Variants in MAF observed in about 807,000 individuals in gnomAD.
The protein encoded by MAF is MAF bZIP transcription factor.
MAF carries 10 observed loss-of-function variants against 22.0 expected under a neutral mutation model. The observed-to-expected ratio is 0.45, with a 90% confidence interval of 0.28 to 0.77. The LOEUF (loss-of-function observed/expected upper bound fraction) is 0.77. MAF is among the 30% of genes least tolerant of loss of function. The probability of loss-of-function intolerance (pLI) is 0.12; values close to 1 mark genes in which losing one functional copy is unlikely to be tolerated. For missense variants in MAF, 544 were observed against 548.4 expected, an observed-to-expected ratio of 0.99 and a Z score of 0.08; for synonymous variants, 337 against 255.8, an observed-to-expected ratio of 1.32 and a Z score of -3.03.
At chr16:79,207,229 T>A in the MAF span, among the ~76,000 whole-genome samples, 3 of 152,168 alleles carry the variant, frequency 2.0e-5, no homozygotes, top group African/African-American at 7.2e-5. Flanking sequence ...ATTCACAGAG[T>A]CAATGGATAA....
the MAF span, among the ~76,000 whole-genome samples, chr16:79,351,498 C>T: frequency 6.6e-6 from 1 of 152,082 alleles, no homozygotes; most frequent in Non-Finnish European, 1.5e-5. Flanking sequence ...TAGGAAGTAG[C>T]ATAACTGTGA....
At chr16:79,542,700 G>C in the MAF span, among the ~76,000 whole-genome samples, 1 of 152,208 alleles carries the variant, frequency 6.6e-6, no homozygotes, top group Admixed American at 6.5e-5. Context: ...TGATGGGCAA[G>C]CTGGGTTTCC....
chr16:79,426,207 A>AAAT, the MAF span, among the ~76,000 whole-genome samples: 1 of 92,610 alleles, frequency 1.1e-5, no homozygotes, highest in Non-Finnish European at 2.1e-5. Context: ...GTCCATCTCA[A>AAAT]AAGAAAAAAA....
chr16:79,279,702 T>C, the MAF span, among the ~76,000 whole-genome samples: 1 of 152,186 alleles, frequency 6.6e-6, no homozygotes, highest in East Asian at 1.9e-4. Context: ...ATATGTTGCC[T>C]CGCGCAGGGG....
rs1419605590 is a variant in MAF at position 79,600,213 on chromosome 16, C to T, written c.-311G>A. 1 of 303,166 alleles carries T rather than the reference C, an allele frequency of 3.3e-6. No homozygotes were observed. The highest frequency in any genetic ancestry group is 5.7e-5 in the East Asian group (1 of 17,452). The allele number at this position is 303,166 out of a possible 1,614,324, so 18.8% of individuals were successfully genotyped here. On this transcript the variant is annotated 5_prime_UTR_variant, in exon 1 of 2. Coordinates refer to ENST00000326043, the MANE Select transcript of MAF (RefSeq NM_005360.5). ...CCGGCGGCTTCAGGCTCGGGAAGAT[C>T]CTCCGCGAGCTGCGGTGGCGGCGGT... is the stretch of plus-strand genomic sequence containing the variant.
At chr16:79,574,484 T>C in the MAF span, among the ~76,000 whole-genome samples, 12 of 152,200 alleles carry the variant, frequency 7.9e-5, no homozygotes, top group African/African-American at 2.9e-4. Context: ...AAATGAGCCA[T>C]TCTAACACCT....
chr16:79,472,994 C>T, the MAF span, among the ~76,000 whole-genome samples: 1 of 152,032 alleles, frequency 6.6e-6, no homozygotes, highest in South Asian at 2.1e-4. Flanking sequence ...ATGGAGCTTA[C>T]ATTCTGGTGG....
At chr16:79,226,968 G>C in the MAF span, among the ~76,000 whole-genome samples, 1 of 152,052 alleles carries the variant, frequency 6.6e-6, no homozygotes, top group African/African-American at 2.4e-5. Flanking sequence ...CCCAGGAACA[G>C]GATGGGGAAC....
chr16:79,361,856 G>C, the MAF span, among the ~76,000 whole-genome samples: 3 of 152,120 alleles, frequency 2.0e-5, no homozygotes, highest in Non-Finnish European at 2.9e-5. Context: ...GTTACAGAGA[G>C]GCATCTTGTC....
chr16:79,422,683 G>A, the MAF span, among the ~76,000 whole-genome samples: 1 of 152,086 alleles, frequency 6.6e-6, no homozygotes, highest in African/African-American at 2.4e-5. Context: ...TGGCTTTCGG[G>A]TGAGTATGAT....
chr16:79,472,742 T>A, the MAF span, among the ~76,000 whole-genome samples: 1 of 152,092 alleles, frequency 6.6e-6, no homozygotes, highest in Non-Finnish European at 1.5e-5. Context: ...CCATTAAATG[T>A]CACACTTTAA....
At chr16:79,271,220 C>A in the MAF span, among the ~76,000 whole-genome samples, 1 of 152,052 alleles carries the variant, frequency 6.6e-6, no homozygotes, top group Non-Finnish European at 1.5e-5. Flanking sequence ...CCAGCCATGG[C>A]CACAGTTTTC....
chr16:79,556,935 G>A, the MAF span, among the ~76,000 whole-genome samples: 6 of 151,560 alleles, frequency 4.0e-5, no homozygotes, highest in African/African-American at 1.5e-4. Context: ...GATTATTTCT[G>A]TTACGAGTTT....
At chr16:79,428,972 C>T in the MAF span, among the ~76,000 whole-genome samples, 1 of 152,104 alleles carries the variant, frequency 6.6e-6, no homozygotes, top group African/African-American at 2.4e-5. Context: ...ACGGAGGCTC[C>T]ACAGAATGCC....
chr16:79,221,069 G>C, the MAF span, among the ~76,000 whole-genome samples: 24 of 152,348 alleles, frequency 1.6e-4, 1 homozygote, highest in South Asian at 4.8e-3. Context: ...CGTTTTGCCA[G>C]CCTTTTGATA....
chr16:79,517,810 A>G, the MAF span, among the ~76,000 whole-genome samples: 9 of 152,002 alleles, frequency 5.9e-5, no homozygotes, highest in Non-Finnish European at 1.5e-5. Flanking sequence ...TCTGACCTCA[A>G]GTGTTCCACC....
chr16:79,385,845 T>G, the MAF span, among the ~76,000 whole-genome samples: 1 of 152,172 alleles, frequency 6.6e-6, no homozygotes, highest in Non-Finnish European at 1.5e-5. Flanking sequence ...GGTTGGAGGT[T>G]GCAGTGAGCC....
chr16:79,209,701 A>G, the MAF span, among the ~76,000 whole-genome samples: 67 of 152,256 alleles, frequency 4.4e-4, no homozygotes, highest in African/African-American at 1.5e-3. Context: ...CCAAAATAAT[A>G]CTTGGCTTGA....
the MAF span, among the ~76,000 whole-genome samples, chr16:79,463,228 C>G: frequency 0.018 from 2,728 of 152,272 alleles, 39 homozygotes; most frequent in Non-Finnish European, 0.03. Context: ...GGGTCCGGGT[C>G]ACATAGAGCC....
Sources: allele counts gnomAD v4.1 joint callset (sites outside exome capture counted in the v4.1 genomes callset), GRCh38; gene constraint gnomAD v4.1.1; transcripts MANE v1.5; gene names NCBI Gene and HGNC (gene_info 2026-07-23, HGNC 2026-07-21).